The following EVL variants were observed in gnomAD, a reference collection of about 807,000 sequenced individuals.
EVL encodes Enah/Vasp-like.
Under a neutral mutation model 59.6 loss-of-function variants are expected in EVL, and 21 were observed. The observed-to-expected ratio is 0.35, with a 90% CI of 0.25 to 0.51. The LOEUF is 0.51. Ranked by LOEUF, EVL falls within the 20% of genes least tolerant of loss-of-function variation. The probability of loss-of-function intolerance (pLI) is 0.97; values close to 1 mark genes in which losing one functional copy is unlikely to be tolerated. For synonymous variants in EVL, 198 were observed against 203.5 expected, an observed-to-expected ratio of 0.97 and a Z score of 0.23; for missense variants, 462 against 546.6, an observed-to-expected ratio of 0.85 and a Z score of 1.54.
At chr14:100,125,690 G>T (rs1888029795) in intron 4 of EVL, among the ~76,000 whole-genome samples, 1 of 151,938 alleles carries the variant, frequency 6.6e-6, no homozygotes, top group Admixed American at 6.6e-5. Context: ...TGAGTAGCTG[G>T]GATTACAGGC....
intron 1 of EVL, among the ~76,000 whole-genome samples, chr14:100,032,742 C>T (rs1438389598): frequency 6.6e-6 from 1 of 152,120 alleles, no homozygotes; most frequent in African/African-American, 2.4e-5. Flanking sequence ...CTGACCTCTA[C>T]AGCCCACAAA....
intron 8 of EVL, 141 bp downstream of exon 8, chr14:100,132,920 G>T (rs1459376054): frequency 6.6e-6 from 6 of 912,738 alleles, no homozygotes; most frequent in Non-Finnish European, 1.0e-5. Context: ...GGGGCGGAGG[G>T]TCTCTGCGGT....
chr14:100,037,203 C>G lies in EVL; in HGVS notation c.6-47484C>G, dbSNP rs187407497. Among the ~76,000 whole-genome samples the G allele has an allele frequency of 5.6e-4, 85 of 152,288 alleles. 1 individual carries two copies. Among genetic ancestry groups the G allele is most frequent in the Non-Finnish European group, 9.7e-4 (66 of 68,020 alleles). ...GAAAGAAGAAGAAGGTGAGGGGACT[C>G]AAGACCACATCTGAAGGGCAGTCCG... On this transcript the variant is annotated intron_variant, in intron 1 of 13. Coordinates refer to the EVL transcript ENST00000402714.
At chr14:100,140,224 G>A (rs1284785300) in intron 11 of EVL, 1 of 152,210 alleles carries the variant, frequency 6.6e-6, no homozygotes, top group Non-Finnish European at 1.5e-5. Flanking sequence ...TTGACAGAGT[G>A]AGACCCTGTC....
At chr14:100,094,446 A>G (rs528636856) in intron 2 of EVL, among the ~76,000 whole-genome samples, 1 of 152,294 alleles carries the variant, frequency 6.6e-6, no homozygotes, top group Non-Finnish European at 1.5e-5. Context: ...GAGAGTTCAA[A>G]TCATAGGGTT....
intron 1 of EVL, among the ~76,000 whole-genome samples, chr14:100,049,253 G>A (rs901537913): frequency 4.6e-5 from 7 of 152,170 alleles, no homozygotes; most frequent in African/African-American, 1.7e-4. Flanking sequence ...GGAAGCAGAA[G>A]GTTTGGAAAC....
intron 1 of EVL, among the ~76,000 whole-genome samples, chr14:99,993,629 A>G (rs1265294774): frequency 7.2e-6 from 1 of 138,310 alleles, no homozygotes; most frequent in Non-Finnish European, 1.6e-5. Context: ...GAGGTTTTTG[A>G]TTACTGCTTC....
intron 3 of EVL, among the ~76,000 whole-genome samples, chr14:100,118,438 A>G (rs769292951): frequency 5.9e-5 from 9 of 152,370 alleles, no homozygotes; most frequent in Non-Finnish European, 1.3e-4. Flanking sequence ...TACAAGGACC[A>G]TGTATAAGCT....
intron 1 of EVL, among the ~76,000 whole-genome samples, chr14:100,021,362 C>T (rs1328750889): frequency 6.6e-6 from 1 of 152,138 alleles, no homozygotes; most frequent in Admixed American, 6.5e-5. Flanking sequence ...GAAGGGTAGA[C>T]CACAAAGGGG....
At chr14:100,143,653 G>T (rs780547439) in intron 13 of EVL, 48 bp from the exon 14 acceptor site, 3 of 1,564,298 alleles carry the variant, frequency 1.9e-6, no homozygotes, top group Admixed American at 1.9e-5. Flanking sequence ...GAGGAACCGG[G>T]CTGCACTGGT....
intron 1 of EVL, among the ~76,000 whole-genome samples, chr14:99,987,753 CAGAT>C (rs2060848575): frequency 6.6e-6 from 1 of 152,110 alleles, no homozygotes; most frequent in Non-Finnish European, 1.5e-5. Flanking sequence ...AGGCCTTCAT[CAGAT>C]AGGTAATTTG....
At chr14:100,081,354 A>C (rs1309561880) in intron 1 of EVL, among the ~76,000 whole-genome samples, 1 of 152,198 alleles carries the variant, frequency 6.6e-6, no homozygotes, top group Non-Finnish European at 1.5e-5. Context: ...AAATTAGCAA[A>C]ACAAATCTTA....
chr14:100,005,001 AATT>A (rs1411479611), intron 1 of EVL, among the ~76,000 whole-genome samples: 1 of 152,202 alleles, frequency 6.6e-6, no homozygotes, highest in Non-Finnish European at 1.5e-5. Context: ...ACATTTACCT[AATT>A]ATTTTATTCT....
At chr14:100,044,117 C>T (rs182518946) in intron 1 of EVL, among the ~76,000 whole-genome samples, 3 of 152,272 alleles carry the variant, frequency 2.0e-5, no homozygotes, top group Non-Finnish European at 4.4e-5. Flanking sequence ...TTCCTTAATC[C>T]GGTCAAGTTG....
chr14:99,993,043 G>C (rs1261494949), intron 1 of EVL, among the ~76,000 whole-genome samples: 1 of 151,048 alleles, frequency 6.6e-6, no homozygotes, highest in Non-Finnish European at 1.5e-5. Flanking sequence ...AGGCATTGGT[G>C]GTGGCGTATA....
chr14:100,075,849 T>A (rs1377612774), intron 1 of EVL, among the ~76,000 whole-genome samples: 1 of 152,256 alleles, frequency 6.6e-6, no homozygotes, highest in African/African-American at 2.4e-5. Flanking sequence ...TAGACCATGC[T>A]ATTTTTATCA....
intron 1 of EVL, among the ~76,000 whole-genome samples, chr14:100,021,278 G>A (rs2061120002): frequency 6.6e-6 from 1 of 152,146 alleles, no homozygotes; most frequent in Non-Finnish European, 1.5e-5. Flanking sequence ...AGGGTCAAGA[G>A]CTGGGTCTGA....
intron 2 of EVL, among the ~76,000 whole-genome samples, chr14:100,096,243 G>A (rs1885801974): frequency 1.3e-5 from 2 of 152,196 alleles, no homozygotes; most frequent in South Asian, 4.1e-4. Context: ...AGCATAGAGA[G>A]CGTTATCCCC....
At chr14:99,984,139 C>G (rs868483151) in intron 1 of EVL, among the ~76,000 whole-genome samples, 11 of 152,164 alleles carry the variant, frequency 7.2e-5, no homozygotes, top group Admixed American at 1.3e-4. Context: ...TGGCCACCCC[C>G]AAATCGTAGA....
Sources: allele counts gnomAD v4.1 joint callset (sites outside exome capture counted in the v4.1 genomes callset), GRCh38; gene constraint gnomAD v4.1.1; transcripts MANE v1.5; gene names NCBI Gene and HGNC (gene_info 2026-07-23, HGNC 2026-07-21).